The following GALNT13 variants were observed in gnomAD, a reference collection of about 807,000 sequenced individuals.
The protein encoded by GALNT13 is polypeptide N-acetylgalactosaminyltransferase 13.
GALNT13 carries 28 observed loss-of-function variants against 64.2 expected under a neutral mutation model. The ratio of observed to expected loss-of-function variants is 0.44; its 90% CI spans 0.32 to 0.60. The LOEUF is 0.60. GALNT13 is among the 20% of genes least tolerant of loss of function. GALNT13 has a pLI of 0.05. For missense variants in GALNT13, 577 were observed against 669.8 expected (o/e 0.86, Z 1.53); for synonymous variants, 214 against 224.6 (o/e 0.95, Z 0.42).
At chr2:153,263,088 A>G in the GALNT13 span, among the ~76,000 whole-genome samples, 2 of 152,026 alleles carry the variant, frequency 1.3e-5, no homozygotes, top group Non-Finnish European at 2.9e-5. Context: ...GATAAGCAAC[A>G]TTAGCAAAGT....
At chr2:154,316,214 C>T (rs1033225891) in intron 9 of GALNT13, among the ~76,000 whole-genome samples, 1 of 152,098 alleles carries the variant, frequency 6.6e-6, no homozygotes, top group African/African-American at 2.4e-5. Flanking sequence ...TCAGAATTGT[C>T]ATTAGTAAGT....
At chr2:153,070,822 G>A in the GALNT13 span, among the ~76,000 whole-genome samples, 4 of 152,046 alleles carry the variant, frequency 2.6e-5, no homozygotes, top group South Asian at 4.1e-4. Flanking sequence ...GTTTGGAATC[G>A]CCTTTGTTAG....
the GALNT13 span, among the ~76,000 whole-genome samples, chr2:153,138,656 G>A: frequency 2.0e-5 from 3 of 152,066 alleles, no homozygotes; most frequent in Non-Finnish European, 2.9e-5. Flanking sequence ...AAAATAGTTA[G>A]CATCATCTAG....
At chr2:154,186,261 G>C (rs755032976) in intron 4 of GALNT13, among the ~76,000 whole-genome samples, 5 of 151,980 alleles carry the variant, frequency 3.3e-5, no homozygotes, top group Non-Finnish European at 7.4e-5. Context: ...ATGACAGTTT[G>C]TCTGTCATCC....
intron 3 of GALNT13, among the ~76,000 whole-genome samples, chr2:154,058,303 A>T (rs1328738737): frequency 6.6e-6 from 1 of 152,178 alleles, no homozygotes; most frequent in Non-Finnish European, 1.5e-5. Flanking sequence ...TGGCAAAACA[A>T]ATTTCTGTTG....
At chr2:153,182,727 C>T in the GALNT13 span, among the ~76,000 whole-genome samples, 5 of 152,150 alleles carry the variant, frequency 3.3e-5, no homozygotes, top group African/African-American at 1.2e-4. Context: ...GTTTTTTGTT[C>T]CTGCATTAGT....
chr2:153,471,449 G>A, the GALNT13 span, among the ~76,000 whole-genome samples: 1 of 151,830 alleles, frequency 6.6e-6, no homozygotes, highest in Non-Finnish European at 1.5e-5. Flanking sequence ...GAGAAATAGA[G>A]AAGGAATTTA....
the GALNT13 span, among the ~76,000 whole-genome samples, chr2:153,312,741 T>C: frequency 1.3e-5 from 2 of 152,218 alleles, no homozygotes; most frequent in African/African-American, 4.8e-5. Context: ...GGCTAGGCCA[T>C]GTGTCTATTT....
At chr2:153,122,198 C>G in the GALNT13 span, among the ~76,000 whole-genome samples, 1 of 151,382 alleles carries the variant, frequency 6.6e-6, no homozygotes, top group Non-Finnish European at 1.5e-5. Context: ...TAAACTTTAC[C>G]TATTGTTTAC....
At chr2:153,849,587 G>A in the GALNT13 span, among the ~76,000 whole-genome samples, 2 of 152,172 alleles carry the variant, frequency 1.3e-5, no homozygotes, top group Non-Finnish European at 2.9e-5. Flanking sequence ...CCAGTTTGTG[G>A]CCATAAGAAT....
intron 3 of GALNT13, among the ~76,000 whole-genome samples, chr2:154,027,760 T>C (rs140444757): frequency 1.3e-5 from 2 of 152,122 alleles, no homozygotes; most frequent in East Asian, 1.9e-4. Context: ...GATAAATAAA[T>C]AGGAACTGGG....
chr2:153,079,388 C>G, the GALNT13 span, among the ~76,000 whole-genome samples: 1 of 152,156 alleles, frequency 6.6e-6, no homozygotes, highest in African/African-American at 2.4e-5. Context: ...AGTTACAATA[C>G]AATTTATAAA....
chr2:153,706,208 G>A, the GALNT13 span, among the ~76,000 whole-genome samples: 1 of 152,064 alleles, frequency 6.6e-6, no homozygotes, highest in Non-Finnish European at 1.5e-5. Context: ...TGTTGGCCAA[G>A]ATGGTCTGGA....
At chr2:153,329,872 G>A in the GALNT13 span, among the ~76,000 whole-genome samples, 1 of 152,114 alleles carries the variant, frequency 6.6e-6, no homozygotes, top group African/African-American at 2.4e-5. Flanking sequence ...CCAGAATGGC[G>A]TTTCCTGGGT....
At chr2:153,633,923 T>G in the GALNT13 span, among the ~76,000 whole-genome samples, 5 of 152,354 alleles carry the variant, frequency 3.3e-5, 1 homozygote, top group Admixed American at 2.0e-4. Flanking sequence ...TCTTTTCTTT[T>G]AATAATTTCC....
intron 3 of GALNT13, among the ~76,000 whole-genome samples, chr2:154,121,998 C>T (rs1681974811): frequency 6.6e-6 from 1 of 151,900 alleles, no homozygotes; most frequent in Non-Finnish European, 1.5e-5. Flanking sequence ...CATTTTTATT[C>T]AAGTCGAGGA....
intron 4 of GALNT13, among the ~76,000 whole-genome samples, chr2:154,155,660 T>G (rs1384353958): frequency 6.6e-6 from 1 of 152,036 alleles, no homozygotes; most frequent in African/African-American, 2.4e-5. Flanking sequence ...CTAAAAATTC[T>G]CATTGTATAT....
the GALNT13 span, among the ~76,000 whole-genome samples, chr2:153,673,787 G>C: frequency 6.6e-6 from 1 of 152,164 alleles, no homozygotes; most frequent in Non-Finnish European, 1.5e-5. Context: ...CAGATGACAT[G>C]ATTTTACATT....
At chr2:153,664,440 T>C in the GALNT13 span, among the ~76,000 whole-genome samples, 1 of 152,176 alleles carries the variant, frequency 6.6e-6, no homozygotes, top group Non-Finnish European at 1.5e-5. Flanking sequence ...TGTTCTTTTT[T>C]AGGATGCCCA....
Sources: gnomAD v4.1 joint callset for allele counts (sites outside exome capture counted in the v4.1 genomes callset) on GRCh38, gnomAD v4.1.1 for gene constraint, MANE v1.5 for transcripts, NCBI Gene and HGNC (gene_info 2026-07-23, HGNC 2026-07-21) for gene names.